EMB: variants seen among roughly 807,000 people sequenced by gnomAD.
EMB encodes the protein embigin, also known as embigin homolog.
A neutral mutation model predicts 41.4 loss-of-function variants in EMB; 31 were observed. The observed-to-expected ratio is 0.75, with a 90% CI of 0.56 to 1.01. The LOEUF (loss-of-function observed/expected upper bound fraction) is 1.01, where lower values mean the gene tolerates loss of function less well. Ranked by LOEUF, EMB falls within the 50% of genes least tolerant of loss-of-function variation. EMB has a pLI of 0.00. For missense variants in EMB, 379 were observed against 388.3 expected, an observed-to-expected ratio of 0.98 and a Z score of 0.20; for synonymous variants, 137 against 140.4, an observed-to-expected ratio of 0.98 and a Z score of 0.17.
At chr5:50,425,514 T>A (rs1476845266) in intron 2 of EMB, among the ~76,000 whole-genome samples, 4 of 151,402 alleles carry the variant, frequency 2.6e-5, no homozygotes, top group African/African-American at 7.3e-5. Flanking sequence ...ACAAAAAAAA[T>A]ATATTGTGGT....
In EMB at chr5:50,405,735, C is replaced by T. The variant is rs1274699366; in HGVS notation, c.590G>A (p.Gly197Glu). 3.8e-6 allele frequency: 6 copies of T among 1,588,480 alleles called. No homozygotes were observed. The East Asian group carries it at 1.4e-4, about 36-fold the overall frequency. The part of the protein sequence containing the change: ...PLNWTWYSSN[G>E]SVKVPVGVQM... ...AAGGAACTATCTTACCTTTACACTC[C>T]CATTACTACTGTACCAGGTCCAATT... is the stretch of plus-strand genomic sequence containing the variant. The change falls in exon 5 of 9, where the codon GGG becomes GAG. Residue 197 changes from glycine to glutamate, a missense_variant. Gly to Glu is a moderately conservative substitution (Grantham distance 98). Coordinates refer to ENST00000303221, the MANE Select transcript of EMB (RefSeq NM_198449.3).
chr5:50,428,425 TTC>T lies in EMB; in HGVS notation c.113-200_113-199del, dbSNP rs567330419. 957 of 1,210,594 alleles carry T rather than the reference TTC, an allele frequency of 7.9e-4. 4 individuals are homozygous for T. The South Asian group carries it at 0.024, about 30-fold the overall frequency. 75.0% of individuals were successfully genotyped at this position (1,210,594 alleles called of 1,614,324 possible). The stretch of plus-strand genomic sequence containing the variant: ...AATGTGAAAAAAATTCTGATTTTTT[TTC>T]TTTTTTAACCTAAAAATCCCTACTG... On this transcript the variant is annotated intron_variant, in intron 1 of 8. Transcript: ENST00000303221.
At chr5:50,412,753 G>T (rs921982317) in intron 2 of EMB, among the ~76,000 whole-genome samples, 2 of 151,976 alleles carry the variant, frequency 1.3e-5, no homozygotes, top group African/African-American at 2.4e-5. Context: ...GTAGAGAATT[G>T]CAGAGAAAAA....
intron 5 of EMB, among the ~76,000 whole-genome samples, chr5:50,405,509 G>A (rs375766127): frequency 4.6e-5 from 7 of 151,970 alleles, no homozygotes; most frequent in East Asian, 1.9e-4. Flanking sequence ...CTAATGAAAC[G>A]TTAAGAGTAT....
At chr5:50,418,332 C>T (rs1023114978) in intron 2 of EMB, among the ~76,000 whole-genome samples, 1 of 152,164 alleles carries the variant, frequency 6.6e-6, no homozygotes, top group African/African-American at 2.4e-5. Flanking sequence ...AACCAGAATC[C>T]GAACACCCTT....
chr5:50,405,622 G>C (rs188558316), intron 5 of EMB, 103 bp downstream of exon 5: 3 of 1,427,330 alleles, frequency 2.1e-6, no homozygotes, highest in African/African-American at 2.9e-5. Flanking sequence ...GATAACAAAA[G>C]TATAAATCAT....
intron 6 of EMB, 102 bp downstream of exon 6, chr5:50,403,076 T>C: frequency 1.8e-6 from 2 of 1,109,694 alleles, no homozygotes; most frequent in Non-Finnish European, 2.5e-6. Context: ...CTAAAGTCAT[T>C]GCAATGTATC....
chr5:50,404,771 T>C (rs1401570807), intron 5 of EMB, among the ~76,000 whole-genome samples: 1 of 151,296 alleles, frequency 6.6e-6, no homozygotes, highest in Admixed American at 6.6e-5. Context: ...CATAAAGGAG[T>C]AGGAATGGCT....
intron 4 of EMB, among the ~76,000 whole-genome samples, chr5:50,407,743 G>T (rs1745270215): frequency 6.6e-6 from 1 of 151,922 alleles, no homozygotes; most frequent in African/African-American, 2.4e-5. Flanking sequence ...ATTCTAATGT[G>T]CCCTGTCGAC....
At position 50,426,942 on chromosome 5, in the gene EMB, G is replaced by A. The variant is rs567965322; in HGVS notation, c.196+1202C>T. Among the ~76,000 whole-genome samples, 20 of 149,872 alleles carry A rather than the reference G, an allele frequency of 1.3e-4. No homozygotes were observed. In the South Asian group the frequency reaches 4.2e-3, roughly 32 times the overall value. On this transcript the variant is annotated intron_variant, in intron 2 of 8. Transcript: ENST00000303221. ...ACTTAGGACACAAAGCACCTGCCCG[G>A]GGCTAATACTGCAAGCTAGCTGCTG...
intron 1 of EMB, among the ~76,000 whole-genome samples, chr5:50,431,916 C>A (rs1239679214): frequency 6.6e-6 from 1 of 152,098 alleles, no homozygotes; most frequent in African/African-American, 2.4e-5. Context: ...TGTGAAATAG[C>A]AAAATGGTCT....
chr5:50,432,323 T>C (rs1745732908), intron 1 of EMB, among the ~76,000 whole-genome samples: 2 of 151,992 alleles, frequency 1.3e-5, no homozygotes, highest in Admixed American at 1.3e-4. Flanking sequence ...ATCTTTCTCA[T>C]CTCTATACTG....
chr5:50,404,684 GT>G (rs1204969613), intron 5 of EMB, among the ~76,000 whole-genome samples: 15 of 151,664 alleles, frequency 9.9e-5, no homozygotes, highest in South Asian at 2.1e-4. Context: ...GTTGACATTT[GT>G]TTTTACAAAA....
rs1011355092 is a variant in EMB, at chr5:50,412,961, G to C, written c.197-1578C>G. 4.0e-5 allele frequency among the ~76,000 whole-genome samples: 6 copies of C among 148,788 alleles called. No homozygotes were observed. In the East Asian group the frequency reaches 6.0e-4, roughly 15 times the overall value. ...GTGTAAAAAAAAAAAGGGTGCACTA[G>C]AGCAAGAGCAGTAAGAGCCTCTACT... On this transcript the variant is annotated intron_variant, in intron 2 of 8. Transcript: ENST00000303221.
At chr5:50,439,411 G>A (rs532101989) in intron 1 of EMB, among the ~76,000 whole-genome samples, 225 of 151,958 alleles carry the variant, frequency 1.5e-3, no homozygotes, top group African/African-American at 5.2e-3. Context: ...TCAAACTTTG[G>A]ACTGAAGCAA....
Position 50,402,312 on chromosome 5 carries a change from C to A in EMB, c.885G>T (p.Gly295=), listed in dbSNP as rs1304474377. 1 of 1,610,142 alleles carries A rather than the reference C, an allele frequency of 6.2e-7. No individual in the cohort carries two copies. The highest frequency in any genetic ancestry group is 1.7e-5 in the Admixed American group (1 of 59,786). The change falls in exon 7 of 9, where the codon GGG becomes GGT. Residue 295 remains glycine, a synonymous_variant. Coordinates refer to ENST00000303221, the MANE Select transcript of EMB (RefSeq NM_198449.3). ...TQKKKKHSDE[G]KEFEQIEQLK... is the part of the protein sequence containing the mutation. ...GCTGTTCAATCTGCTCAAATTCTTT[C>A]CCCTCATCTGTGTAACAAAAGAAGA... is the stretch of plus-strand genomic sequence containing the variant.
chr5:50,401,504 G>A (rs1338972893), intron 7 of EMB, among the ~76,000 whole-genome samples: 1 of 151,904 alleles, frequency 6.6e-6, no homozygotes, highest in Admixed American at 6.6e-5. Context: ...CTGGACTCCA[G>A]CCCTTGGCTC....
chr5:50,433,483 C>A (rs1189085982), intron 1 of EMB, among the ~76,000 whole-genome samples: 1 of 152,006 alleles, frequency 6.6e-6, no homozygotes, highest in African/African-American at 2.4e-5. Context: ...AATAAAACCC[C>A]GAAAGTTAAT....
rs1490452946 is a variant in EMB, at chr5:50,403,186, T to C, written c.869A>G (p.Lys290Arg). The change falls in exon 6 of 9, where the codon AAG becomes AGG. Residue 290 changes from lysine (K) to arginine (R), a missense_variant. Coordinates refer to ENST00000303221, the MANE Select transcript of EMB (RefSeq NM_198449.3). ...AAAAAAAGAAATCCCACCTGAGTGC[T>C]TCTTTTTCTTTTGTGTGTACTTTTC... ...LCEKYTQKKK[K>R]HSDEGKEFEQ... 1 of 1,593,354 alleles carries C rather than the reference T, an allele frequency of 6.3e-7. No individual in the cohort carries two copies. Among genetic ancestry groups the C allele is most frequent in the South Asian group, 1.2e-5 (1 of 86,264 alleles).
Sources: gnomAD v4.1 joint callset for allele counts (sites outside exome capture counted in the v4.1 genomes callset) on GRCh38, gnomAD v4.1.1 for gene constraint, MANE v1.5 for transcripts, NCBI Gene and HGNC (gene_info 2026-07-23, HGNC 2026-07-21) for gene names.